Variants in XKRX observed in about 807,000 individuals in gnomAD.
XKRX encodes XK-related protein 2.
In XKRX, 11 loss-of-function variants were observed where a neutral mutation model predicts 22.4. That is an observed-to-expected ratio of 0.49 (90% CI 0.31 to 0.81). The LOEUF (loss-of-function observed/expected upper bound fraction) is 0.81, where lower values mean the gene tolerates loss of function less well. Among genes scored for constraint, XKRX ranks in the 40% least tolerant of loss-of-function variants. The probability of loss-of-function intolerance (pLI) is 0.05; values close to 1 mark genes in which losing one functional copy is unlikely to be tolerated. For missense variants in XKRX, 320 were observed against 336.5 expected, an observed-to-expected ratio of 0.95 and a Z score of 0.38; for synonymous variants, 114 against 132.2, an observed-to-expected ratio of 0.86 and a Z score of 0.94.
chrX:100,921,623 T>C (rs761019440), intron 2 of XKRX, among the ~76,000 whole-genome samples: 38 of 111,012 alleles, frequency 3.4e-4, no homozygotes, highest in Non-Finnish European at 6.8e-4. Flanking sequence ...CTCAGGCTGT[T>C]AAAATTCATT....
chrX:100,902,606 T>C, the XKRX span, among the ~76,000 whole-genome samples: 666 of 112,156 alleles, frequency 5.9e-3, 3 homozygotes, highest in Non-Finnish European at 9.7e-3. Flanking sequence ...TCAATTAATG[T>C]AATTCATCAT....
the XKRX span, among the ~76,000 whole-genome samples, chrX:100,946,911 G>A: frequency 2.1e-4 from 24 of 112,033 alleles, no homozygotes; most frequent in Non-Finnish European, 3.9e-4. Context: ...GGAGGGTTAA[G>A]TAGAAGATAC....
the XKRX span, among the ~76,000 whole-genome samples, chrX:100,901,037 G>A: frequency 1.3e-4 from 14 of 110,746 alleles, no homozygotes; most frequent in South Asian, 3.9e-4. Context: ...TGATCTGCCC[G>A]CCTTGGCCTC....
downstream of XKRX, among the ~76,000 whole-genome samples, chrX:100,912,386 T>C (rs1376034211): frequency 9.0e-6 from 1 of 110,523 alleles, no homozygotes; most frequent in African/African-American, 3.3e-5. Context: ...AATTAAGTTA[T>C]ATAATCCTTT....
At chrX:100,947,604 T>G in the XKRX span, among the ~76,000 whole-genome samples, 1 of 112,137 alleles carries the variant, frequency 8.9e-6, no homozygotes, top group African/African-American at 3.2e-5. Context: ...TGAAAGCTTT[T>G]CAGGAAAACC....
At chrX:100,953,554 A>T in the XKRX span, among the ~76,000 whole-genome samples, 1 of 111,931 alleles carries the variant, frequency 8.9e-6, no homozygotes, top group Non-Finnish European at 1.9e-5. Context: ...AACCCACATA[A>T]TGGGAGAAAA....
chrX:100,917,626 G>T (rs774979286), intron 2 of XKRX, among the ~76,000 whole-genome samples: 1 of 64,499 alleles, frequency 1.6e-5, no homozygotes, highest in African/African-American at 6.6e-5. Flanking sequence ...GAAAGAAAGA[G>T]AAAGAAAGAA....
chrX:100,920,428 T>C (rs2085466496), intron 2 of XKRX, among the ~76,000 whole-genome samples: 1 of 111,464 alleles, frequency 9.0e-6, no homozygotes, highest in African/African-American at 3.3e-5. Flanking sequence ...GTTTACATAG[T>C]AAAAATAAGT....
In XKRX at chrX:100,927,995, G is replaced by T; in HGVS notation, c.310C>A (p.Leu104Ile). The change falls in exon 1 of 3, where the codon CTA (leucine) becomes ATA (isoleucine). Residue 104 changes from leucine (L) to isoleucine (I), a missense_variant. Coordinates refer to ENST00000372956, the MANE Select transcript of XKRX (RefSeq NM_212559.3). The stretch of plus-strand genomic sequence containing the variant: ...CTGATAACAGGTCCCAAGAGGATTA[G>T]ATGCATAAATAATGATAGCGGTTTA... ...KDKPLSLFMH[L>I]ILLGPVIRCL... is the part of the protein sequence containing the mutation. 2 of 1,204,959 alleles carry T rather than the reference G, an allele frequency of 1.7e-6. No individual in the cohort carries two copies. The highest frequency in any genetic ancestry group is 1.1e-6 in the Non-Finnish European group (1 of 892,887).
chrX:100,904,173 A>G, the XKRX span, among the ~76,000 whole-genome samples: 1 of 111,783 alleles, frequency 8.9e-6, no homozygotes, highest in African/African-American at 3.3e-5. Flanking sequence ...CCAGAAATAG[A>G]CTCACATAAA....
chrX:100,904,459 C>T, the XKRX span, among the ~76,000 whole-genome samples: 4 of 112,348 alleles, frequency 3.6e-5, no homozygotes, highest in African/African-American at 1.3e-4. Flanking sequence ...CTTTTAGATA[C>T]AATACCAAAG....
At chrX:100,922,297 T>C (rs1043284152) in intron 2 of XKRX, among the ~76,000 whole-genome samples, 5 of 112,370 alleles carry the variant, frequency 4.4e-5, no homozygotes, top group African/African-American at 1.6e-4. Flanking sequence ...CATCACATGA[T>C]TCTGATGATC....
At chrX:100,892,474 A>T in the XKRX span, among the ~76,000 whole-genome samples, 2 of 112,107 alleles carry the variant, frequency 1.8e-5, no homozygotes, top group Admixed American at 9.5e-5. Flanking sequence ...GCTAAAAAAA[A>T]TTAAAATAAA....
chrX:100,912,726 T>C (rs748693774), downstream of XKRX, among the ~76,000 whole-genome samples: 54 of 111,834 alleles, frequency 4.8e-4, no homozygotes, highest in African/African-American at 1.6e-3. Flanking sequence ...CAATAGGCAG[T>C]GGCCATAGTA....
chrX:100,951,731 G>A, the XKRX span, among the ~76,000 whole-genome samples: 2 of 111,264 alleles, frequency 1.8e-5, no homozygotes, highest in Non-Finnish European at 3.8e-5. Flanking sequence ...CCAATATCAG[G>A]AATAAAAGAG....
the XKRX span, among the ~76,000 whole-genome samples, chrX:100,952,367 C>T: frequency 3.7e-5 from 4 of 108,558 alleles, no homozygotes; most frequent in Non-Finnish European, 7.6e-5. Flanking sequence ...TTAGGGGTGG[C>T]AGTGGCAGTG....
rs1158352468 is a variant in XKRX at position 100,928,144 on chromosome X, A to G, written c.161T>C (p.Met54Thr). ...YCGEAASALY[M>T]VRIYRKNSET... ...ACTATTCTTTCGATAGATTCTAACCATGTACAAAGCAGATGCAGCCTCCCC... is the reference window on the plus strand; with the variant it reads ...ACTATTCTTTCGATAGATTCTAACCGTGTACAAAGCAGATGCAGCCTCCCC... Residue 54 changes from methionine (M) to threonine (T), a missense_variant, in exon 1 of 3, where the codon ATG becomes ACG. Physicochemically the swap from Met to Thr is moderately conservative, Grantham distance 81. Transcript: ENST00000372956. 8.3e-7 allele frequency: 1 copy of G among 1,210,093 alleles called. No homozygotes were observed. Among genetic ancestry groups the G allele is most frequent in the Non-Finnish European group, 1.1e-6 (1 of 895,223 alleles).
intron 2 of XKRX, among the ~76,000 whole-genome samples, chrX:100,920,593 G>A (rs1008119747): frequency 3.1e-4 from 34 of 111,163 alleles, no homozygotes; most frequent in African/African-American, 1.1e-3. Context: ...AACTAGTAAT[G>A]CATGATCACA....
intron 2 of XKRX, 84 bp from the exon 3 acceptor site, chrX:100,915,167 A>G (rs2085427935): frequency 3.9e-6 from 4 of 1,033,860 alleles, no homozygotes; most frequent in Non-Finnish European, 5.1e-6. Flanking sequence ...AGAGGTCCAG[A>G]GAGATGACGG....
Sources: allele counts gnomAD v4.1 joint callset (sites outside exome capture counted in the v4.1 genomes callset), GRCh38; gene constraint gnomAD v4.1.1; transcripts MANE v1.5; gene names NCBI Gene and HGNC (gene_info 2026-07-23, HGNC 2026-07-21).